Variants in GAS2 observed in about 807,000 individuals in gnomAD.
GAS2 encodes growth arrest specific 2, also known as growth arrest-specific protein 2.
In GAS2, 20 loss-of-function variants were observed where a neutral mutation model predicts 37.5. That is an observed-to-expected ratio of 0.53 (90% CI 0.37 to 0.77). The LOEUF (loss-of-function observed/expected upper bound fraction) is 0.77. GAS2 is among the 30% of genes least tolerant of loss of function. The pLI, the probability that GAS2 is intolerant of heterozygous loss-of-function variation, is 0.00. For synonymous variants in GAS2, 144 were observed against 132.2 expected, an observed-to-expected ratio of 1.09 and a Z score of -0.61; for missense variants, 336 against 373.4, an observed-to-expected ratio of 0.90 and a Z score of 0.82.
chr11:22,754,541 T>A (rs1853918581), intron 6 of GAS2, among the ~76,000 whole-genome samples: 1 of 152,126 alleles, frequency 6.6e-6, no homozygotes, highest in Admixed American at 6.6e-5. Flanking sequence ...TTTGTATACA[T>A]CCTCACTGAG....
At chr11:22,716,660 A>G (rs570661633) in intron 3 of GAS2, among the ~76,000 whole-genome samples, 209 of 151,974 alleles carry the variant, frequency 1.4e-3, no homozygotes, top group African/African-American at 4.9e-3. Flanking sequence ...AAAAAAAAGA[A>G]AAAAAGAAAT....
chr11:22,753,182 A>G (rs1471788240), intron 6 of GAS2, among the ~76,000 whole-genome samples: 1 of 152,064 alleles, frequency 6.6e-6, no homozygotes, highest in Non-Finnish European at 1.5e-5. Context: ...TTCCTAGCCA[A>G]AAAAGAACAC....
At chr11:22,652,008 T>C (rs891756632) in intron 1 of GAS2, among the ~76,000 whole-genome samples, 4 of 152,146 alleles carry the variant, frequency 2.6e-5, no homozygotes, top group Non-Finnish European at 5.9e-5. Flanking sequence ...CTTTTTAGAG[T>C]TTCCAGTTTT....
chr11:22,781,243 T>C (rs892086657), intron 7 of GAS2, among the ~76,000 whole-genome samples: 4 of 152,164 alleles, frequency 2.6e-5, no homozygotes, highest in Non-Finnish European at 5.9e-5. Context: ...GGAGATTTCT[T>C]TGTATTCTGA....
chr11:22,697,874 A>G (rs1441871043), intron 3 of GAS2, among the ~76,000 whole-genome samples: 14 of 152,152 alleles, frequency 9.2e-5, no homozygotes, highest in Admixed American at 7.9e-4. Context: ...TAGATATACA[A>G]TCATGTCATC....
intron 1 of GAS2, among the ~76,000 whole-genome samples, chr11:22,633,760 C>T (rs966080806): frequency 6.6e-6 from 1 of 152,200 alleles, no homozygotes; most frequent in Non-Finnish European, 1.5e-5. Context: ...CTCCCAGTCA[C>T]ACTCCTGACC....
At chr11:22,627,092 T>A (rs953120736) in intron 1 of GAS2, among the ~76,000 whole-genome samples, 2 of 152,102 alleles carry the variant, frequency 1.3e-5, no homozygotes, top group African/African-American at 4.8e-5. Context: ...CGCGCCCGGC[T>A]ATTATTTGAT....
At chr11:22,628,997 GTA>G (rs1319480046) in intron 1 of GAS2, among the ~76,000 whole-genome samples, 2 of 7,798 alleles carry the variant, frequency 2.6e-4, no homozygotes, top group Non-Finnish European at 2.3e-3. Flanking sequence ...GTATTCCATG[GTA>G]TGTGTGTGTG....
intron 3 of GAS2, chr11:22,688,570 C>A (rs1850081995): frequency 1.3e-5 from 2 of 151,994 alleles, no homozygotes; most frequent in Non-Finnish European, 2.9e-5. Flanking sequence ...TATGTAAGTA[C>A]TTTCCTTTTA....
At chr11:22,665,684 T>C (rs1848973287), upstream of GAS2, among the ~76,000 whole-genome samples, 1 of 152,212 alleles carries the variant, frequency 6.6e-6, no homozygotes, top group Non-Finnish European at 1.5e-5. Flanking sequence ...CTCTTCTTCT[T>C]TATTAAATGT....
rs1855998569 is a variant in GAS2, at chr11:22,789,386, A to T, written c.724-22412A>T. Among the ~76,000 whole-genome samples the T allele has an allele frequency of 4.0e-5, 3 of 74,082 alleles. 1 individual carries two copies. The South Asian group carries it at 1.9e-3, about 47-fold the overall frequency. The allele number at this position is 74,082 out of a possible 152,430, so 48.6% of individuals were successfully genotyped here. A position where few individuals can be genotyped will look rare whatever the true frequency, so the allele number is the denominator to read the frequency against. On this transcript the variant is annotated intron_variant, in intron 7 of 7. Transcript: ENST00000454584. Reference sequence around the variant, plus strand: ...CACATATACACATATATATGTACATATATATGTGTGTGTGTGTATGTGTGT... The same window carrying T: ...CACATATACACATATATATGTACATTTATATGTGTGTGTGTGTATGTGTGT...
chr11:22,704,827 A>C (rs934106327), intron 3 of GAS2, among the ~76,000 whole-genome samples: 2 of 151,768 alleles, frequency 1.3e-5, no homozygotes, highest in African/African-American at 2.4e-5. Context: ...ATGCAAATAT[A>C]TATGTGTAGA....
chr11:22,754,300 A>G (rs920036033), intron 6 of GAS2, among the ~76,000 whole-genome samples: 5 of 152,088 alleles, frequency 3.3e-5, no homozygotes, highest in South Asian at 2.1e-4. Context: ...CTTTACATCA[A>G]TGATTTTAAA....
At chr11:22,737,262 G>A (rs949158277) in intron 4 of GAS2, among the ~76,000 whole-genome samples, 2 of 151,952 alleles carry the variant, frequency 1.3e-5, no homozygotes, top group African/African-American at 4.8e-5. Context: ...TTTTTTTCCT[G>A]CTAAAATCAC....
At chr11:22,764,336 G>C (rs529357044) in intron 7 of GAS2, among the ~76,000 whole-genome samples, 1 of 151,902 alleles carries the variant, frequency 6.6e-6, no homozygotes, top group African/African-American at 2.4e-5. Flanking sequence ...CGAGGCGGGC[G>C]GATCACGAGG....
intron 7 of GAS2, among the ~76,000 whole-genome samples, chr11:22,766,712 T>G (rs1854715896): frequency 6.6e-6 from 1 of 152,214 alleles, no homozygotes; most frequent in South Asian, 2.1e-4. Flanking sequence ...TAGTTATTTA[T>G]TTTCTTTTCT....
intron 3 of GAS2, among the ~76,000 whole-genome samples, chr11:22,691,120 CG>C (rs974904940): frequency 6.7e-6 from 1 of 149,968 alleles, no homozygotes; most frequent in Admixed American, 6.7e-5. Context: ...AAGGAGGGGG[CG>C]GGGGGAAAAG....
At chr11:22,640,240 T>C (rs140121038) in intron 1 of GAS2, among the ~76,000 whole-genome samples, 24 of 152,286 alleles carry the variant, frequency 1.6e-4, no homozygotes, top group African/African-American at 5.3e-4. Context: ...TTAAGTGGCC[T>C]TAAAGCCAGC....
chr11:22,759,525 C>T (rs1854253265), intron 7 of GAS2, among the ~76,000 whole-genome samples: 1 of 152,068 alleles, frequency 6.6e-6, no homozygotes, highest in Non-Finnish European at 1.5e-5. Flanking sequence ...AAATTTTTGC[C>T]TGGTACTTTC....
Sources: gnomAD v4.1 joint callset for allele counts (sites outside exome capture counted in the v4.1 genomes callset) on GRCh38, gnomAD v4.1.1 for gene constraint, MANE v1.5 for transcripts, NCBI Gene and HGNC (gene_info 2026-07-23, HGNC 2026-07-21) for gene names.